Variants in ATRNL1 observed in about 807,000 individuals in gnomAD.
ATRNL1 encodes the protein attractin like 1, also known as attractin-like protein 1.
A neutral mutation model predicts 182.7 loss-of-function variants in ATRNL1; 95 were observed. That is an observed-to-expected ratio of 0.52 (90% CI 0.44 to 0.62). The LOEUF is 0.62. ATRNL1 is among the 20% of genes least tolerant of loss of function. ATRNL1 has a pLI of 0.00. For missense variants in ATRNL1, 1,471 were observed against 1,679.5 expected, an observed-to-expected ratio of 0.88 and a Z score of 2.17; for synonymous variants, 576 against 568.3, an observed-to-expected ratio of 1.01 and a Z score of -0.19.
In ATRNL1 at chr10:115,405,859, C is replaced by G. The variant is rs1475302453; in HGVS notation, c.3269+11107C>G. Among the ~76,000 whole-genome samples the G allele has an allele frequency of 1.2e-4, 13 of 110,790 alleles. No homozygotes were observed. The East Asian group carries it at 4.1e-3, about 35-fold the overall frequency. The allele number at this position is 110,790 out of a possible 152,430, so 72.7% of individuals were successfully genotyped here. A position where few individuals can be genotyped will look rare whatever the true frequency, so the allele number is the denominator to read the frequency against. ...CCTCCCCCCTCCCCCCACCCCACAA[C>G]AGGCCCCAGTTTGTGATGTCCCCCT... On this transcript the variant is annotated intron_variant, in intron 20 of 28. Transcript: ENST00000355044.
At chr10:115,568,474 G>A (rs1854199151) in intron 26 of ATRNL1, among the ~76,000 whole-genome samples, 1 of 151,848 alleles carries the variant, frequency 6.6e-6, no homozygotes, top group Non-Finnish European at 1.5e-5. Context: ...GATATTTTCA[G>A]GTAATATTGA....
At chr10:115,498,011 C>T (rs1554978890) in intron 24 of ATRNL1, among the ~76,000 whole-genome samples, 1 of 152,136 alleles carries the variant, frequency 6.6e-6, no homozygotes, top group African/African-American at 2.4e-5. Flanking sequence ...TGAGTGAAAA[C>T]TCATTAGAAA....
intron 26 of ATRNL1, among the ~76,000 whole-genome samples, chr10:115,652,580 A>G (rs1284425520): frequency 6.6e-6 from 1 of 152,132 alleles, no homozygotes; most frequent in East Asian, 1.9e-4. Flanking sequence ...ACATATTAAT[A>G]ACCTTTACTA....
chr10:115,316,673 G>A (rs1736228990), intron 18 of ATRNL1, among the ~76,000 whole-genome samples: 1 of 152,100 alleles, frequency 6.6e-6, no homozygotes, highest in South Asian at 2.1e-4. Context: ...GTGATGTTGA[G>A]CTTTTTTTCA....
chr10:115,602,485 C>A (rs1291663607), intron 26 of ATRNL1, among the ~76,000 whole-genome samples: 1 of 152,274 alleles, frequency 6.6e-6, no homozygotes, highest in East Asian at 1.9e-4. Flanking sequence ...TATATGCTTA[C>A]TCAATTCTGA....
rs377521566 is a variant in ATRNL1 at position 115,487,903 on chromosome 10, C to T, written c.3654+18574C>T. Among the ~76,000 whole-genome samples, 227 of 151,238 alleles carry T rather than the reference C, an allele frequency of 1.5e-3. 1 individual carries two copies. The highest frequency in any genetic ancestry group is 5.2e-3 in the African/African-American group (215 of 41,426). Reference sequence around the variant, plus strand: ...GCTCTTATTATTTTGAGATATGTTTCATCCTAGTTTATTGAGAGTTTTTAG... The same window carrying T: ...GCTCTTATTATTTTGAGATATGTTTTATCCTAGTTTATTGAGAGTTTTTAG... On this transcript the variant is annotated intron_variant, in intron 24 of 28. Transcript: ENST00000355044.
intron 27 of ATRNL1, among the ~76,000 whole-genome samples, chr10:115,733,117 A>G (rs1380336894): frequency 6.7e-6 from 1 of 149,824 alleles, no homozygotes; most frequent in Non-Finnish European, 1.5e-5. Context: ...TGTAGAAACA[A>G]AGTAATTTAA....
At chr10:115,753,033 C>T (rs565626023) in intron 27 of ATRNL1, among the ~76,000 whole-genome samples, 1 of 152,106 alleles carries the variant, frequency 6.6e-6, no homozygotes, top group African/African-American at 2.4e-5. Context: ...ATTAGTTTAC[C>T]TACAGCTCAA....
intron 8 of ATRNL1, among the ~76,000 whole-genome samples, chr10:115,172,522 C>T (rs1462259430): frequency 6.6e-6 from 1 of 151,924 alleles, no homozygotes; most frequent in African/African-American, 2.4e-5. Context: ...TTTTGTTTTC[C>T]ATCCTCCTTG....
At position 115,232,893 on chromosome 10, in the gene ATRNL1, T is replaced by G. The variant is rs368548226; in HGVS notation, c.1533-8678T>G. The stretch of plus-strand genomic sequence containing the variant: ...CTATGGCTACTATAATAAACTATCA[T>G]AGACTTGGAGGCTTAAAACAACAGA... On this transcript the variant is annotated intron_variant, in intron 9 of 28. Coordinates refer to ENST00000355044, the MANE Select transcript of ATRNL1 (RefSeq NM_207303.4). Among the ~76,000 whole-genome samples, 122 of 152,310 alleles carry G rather than the reference T, an allele frequency of 8.0e-4. 2 individuals carry two copies. The South Asian group carries it at 0.025, about 31-fold the overall frequency.
chr10:115,278,356 A>G lies in ATRNL1; in HGVS notation c.2101-2999A>G, dbSNP rs939878165. 2.0e-5 allele frequency among the ~76,000 whole-genome samples: 3 copies of G among 152,242 alleles called. No individual in the cohort carries two copies. In the South Asian group the frequency reaches 6.2e-4, roughly 31 times the overall value. On this transcript the variant is annotated intron_variant, in intron 13 of 28. Transcript: ENST00000355044. The stretch of plus-strand genomic sequence containing the variant: ...TAAATTTAGCAGAGCTTATTTGAAC[A>G]AAGATTGATTCATGAATTGAGCAGC...
At chr10:115,326,969 A>T (rs1352990056) in intron 18 of ATRNL1, among the ~76,000 whole-genome samples, 5 of 152,182 alleles carry the variant, frequency 3.3e-5, no homozygotes, top group African/African-American at 1.2e-4. Context: ...TAGGCCTAAA[A>T]TCATAAAAAC....
Position 115,847,975 on chromosome 10 carries a change from TC to T in ATRNL1, c.4007del (p.Pro1336LeufsTer12). On this transcript the variant is annotated frameshift_variant, in exon 28 of 29. Transcript: ENST00000355044. LOFTEE classifies it high-confidence loss of function. ...CLPRGSSGAP[P>X]PGQSGLAIAS... ...TACCACGAGGATCATCAGGTGCCCC[TC>T]CCCCTGGGCAGTCAGGTATGATAAA... 1 of 1,594,384 alleles carries T rather than the reference TC, an allele frequency of 6.3e-7. No homozygotes were observed. The highest frequency in any genetic ancestry group is 8.6e-7 in the Non-Finnish European group (1 of 1,162,704).
At chr10:115,402,354 C>T (rs77624047) in intron 20 of ATRNL1, among the ~76,000 whole-genome samples, 3,880 of 152,148 alleles carry the variant, frequency 0.026, 161 homozygotes, top group African/African-American at 0.086. Flanking sequence ...GATGTCTGCA[C>T]CCCTGGTTTC....
At chr10:115,798,597 A>G (rs1949714674) in intron 27 of ATRNL1, among the ~76,000 whole-genome samples, 1 of 151,604 alleles carries the variant, frequency 6.6e-6, no homozygotes, top group South Asian at 2.1e-4. Flanking sequence ...GTTACAGACC[A>G]TCACCTGCTC....
chr10:115,399,862 T>C (rs782717936), intron 20 of ATRNL1, among the ~76,000 whole-genome samples: 6 of 151,862 alleles, frequency 4.0e-5, no homozygotes, highest in Non-Finnish European at 7.4e-5. Flanking sequence ...GCAATGCCGT[T>C]TAGGACATAG....
chr10:115,363,748 T>A (rs1856872943), intron 19 of ATRNL1, among the ~76,000 whole-genome samples: 1 of 151,598 alleles, frequency 6.6e-6, no homozygotes, highest in Admixed American at 6.6e-5. Flanking sequence ...GCTAGCCAGT[T>A]TTCCCAGAAC....
At chr10:115,753,697 G>A (rs911106593) in intron 27 of ATRNL1, among the ~76,000 whole-genome samples, 2 of 152,122 alleles carry the variant, frequency 1.3e-5, no homozygotes, top group Admixed American at 6.5e-5. Context: ...ACCCAGTAAT[G>A]GGATTGCTGG....
intron 24 of ATRNL1, among the ~76,000 whole-genome samples, chr10:115,491,481 G>A (rs537777408): frequency 6.6e-6 from 1 of 152,168 alleles, no homozygotes; most frequent in South Asian, 2.1e-4. Context: ...TCTGGCCGCA[G>A]TAGCCTTGCT....
Sources: gnomAD v4.1 joint callset for allele counts (sites outside exome capture counted in the v4.1 genomes callset) on GRCh38, gnomAD v4.1.1 for gene constraint, MANE v1.5 for transcripts, NCBI Gene and HGNC (gene_info 2026-07-23, HGNC 2026-07-21) for gene names.